L2HGDH: variants seen among roughly 807,000 people sequenced by gnomAD.
L2HGDH encodes L-2-hydroxyglutarate dehydrogenase, mitochondrial.
In L2HGDH, 34 loss-of-function variants were observed where a neutral mutation model predicts 51.5. The observed-to-expected ratio is 0.66, with a 90% CI of 0.50 to 0.88. The LOEUF is 0.88. Ranked by LOEUF, L2HGDH falls within the 40% of genes least tolerant of loss-of-function variation. The probability of loss-of-function intolerance (pLI) is 0.00; values close to 1 mark genes in which losing one functional copy is unlikely to be tolerated. For synonymous variants in L2HGDH, 198 were observed against 197.9 expected (o/e 1.00, Z -0.01); for missense variants, 558 against 571.9 (o/e 0.98, Z 0.25).
chr14:50,251,388 A>C (rs1465761317), intron 9 of L2HGDH, among the ~76,000 whole-genome samples: 1 of 152,138 alleles, frequency 6.6e-6, no homozygotes, highest in Non-Finnish European at 1.5e-5. Context: ...AACATTCTCA[A>C]AAGGGTAAAT....
chr14:50,257,343 C>T lies in L2HGDH; in HGVS notation c.1196+8015G>A, dbSNP rs541944684. Among the ~76,000 whole-genome samples the T allele has an allele frequency of 2.6e-5, 4 of 151,872 alleles. No individual in the cohort carries two copies. In the South Asian group the frequency reaches 6.2e-4, roughly 24 times the overall value. ...TCTTAAGGTAGGTCTAACCAGCTGTCTAACCTAGTCATCTGAGGTTTTTCC... is the reference window on the plus strand; with the variant it reads ...TCTTAAGGTAGGTCTAACCAGCTGTTTAACCTAGTCATCTGAGGTTTTTCC... On this transcript the variant is annotated intron_variant, in intron 9 of 9. Transcript: ENST00000267436.
rs1887939195 is a variant in L2HGDH, at chr14:50,245,088, T to C, written c.*1970A>G. The C allele has an allele frequency of 1.0e-6, 1 of 985,738 alleles. No individual in the cohort carries two copies. Among genetic ancestry groups the C allele is most frequent in the Non-Finnish European group, 1.2e-6 (1 of 829,904 alleles). The allele number at this position is 985,738 out of a possible 1,614,324, so 61.1% of individuals were successfully genotyped here. A position where few individuals can be genotyped will look rare whatever the true frequency, so the allele number is the denominator to read the frequency against. On this transcript the variant is annotated 3_prime_UTR_variant, in exon 10 of 10. Coordinates refer to ENST00000267436, the MANE Select transcript of L2HGDH (RefSeq NM_024884.3). ...GCATCAACTTAAAATACTCATGAGG[T>C]GAATGTAAGGCACTTTCGCGGTTTA...
chr14:50,304,934 G>C (rs1443553595), intron 1 of L2HGDH, among the ~76,000 whole-genome samples: 7 of 152,140 alleles, frequency 4.6e-5, no homozygotes, highest in Admixed American at 4.6e-4. Flanking sequence ...AACAAATATG[G>C]ATCTTATAGG....
Position 50,269,212 on chromosome 14 carries a change from A to AGGT in L2HGDH, c.854_856dup (p.Tyr285_Leu286insHis). 6.2e-7 allele frequency: 1 copy of AGGT among 1,614,064 alleles called. No homozygotes were observed. The highest frequency in any genetic ancestry group is 8.5e-7 in the Non-Finnish European group (1 of 1,179,976). ...ATAACATTTTTCTGGCTTCAAAAGC[A>AGGT]GGTAATCTCCCCGGAATGGTACAAT... On this transcript the variant is annotated inframe_insertion, in exon 7 of 10. Transcript: ENST00000267436.
chr14:50,271,528 T>C (rs1889685086), intron 6 of L2HGDH, among the ~76,000 whole-genome samples: 1 of 152,186 alleles, frequency 6.6e-6, no homozygotes, highest in Non-Finnish European at 1.5e-5. Context: ...AACCATCAAA[T>C]GATACATTAG....
At chr14:50,267,485 C>T (rs1276627241) in intron 8 of L2HGDH, among the ~76,000 whole-genome samples, 1 of 152,020 alleles carries the variant, frequency 6.6e-6, no homozygotes, top group Non-Finnish European at 1.5e-5. Flanking sequence ...CCCAGCCAGC[C>T]TTTTCTTTTT....
intron 4 of L2HGDH, 102 bp downstream of exon 4, chr14:50,294,013 C>T: frequency 2.2e-6 from 3 of 1,359,094 alleles, no homozygotes; most frequent in African/African-American, 1.4e-5. Flanking sequence ...ACAGGATTAT[C>T]TAACTGATTT....
intron 9 of L2HGDH, among the ~76,000 whole-genome samples, chr14:50,249,434 G>A (rs1361586935): frequency 6.6e-6 from 1 of 152,156 alleles, no homozygotes; most frequent in Non-Finnish European, 1.5e-5. Flanking sequence ...AGAGTAAAGA[G>A]GACCGTCTTA....
intron 9 of L2HGDH, among the ~76,000 whole-genome samples, chr14:50,250,101 C>T (rs967188590): frequency 1.3e-5 from 2 of 152,056 alleles, no homozygotes; most frequent in Non-Finnish European, 2.9e-5. Flanking sequence ...GGGGTTTCGC[C>T]ATGGTGGCCA....
chr14:50,301,659 C>A (rs1039612700), intron 3 of L2HGDH, among the ~76,000 whole-genome samples: 1 of 152,094 alleles, frequency 6.6e-6, no homozygotes. Context: ...GTTGCTAGGG[C>A]ATCGGGGGAG....
chr14:50,282,222 T>G (rs1044403950), intron 5 of L2HGDH, among the ~76,000 whole-genome samples: 1 of 152,086 alleles, frequency 6.6e-6, no homozygotes, highest in Non-Finnish European at 1.5e-5. Flanking sequence ...CTACAAAACA[T>G]CCTACAGTGC....
intron 4 of L2HGDH, among the ~76,000 whole-genome samples, chr14:50,291,924 C>A (rs1452827910): frequency 1.3e-5 from 2 of 152,026 alleles, no homozygotes; most frequent in Admixed American, 1.3e-4. Context: ...AAAAGAATTT[C>A]TAGACAAATT....
At chr14:50,295,038 T>C (rs1359829207) in intron 3 of L2HGDH, among the ~76,000 whole-genome samples, 1 of 152,294 alleles carries the variant, frequency 6.6e-6, no homozygotes, top group East Asian at 1.9e-4. Flanking sequence ...CAAAGGACTC[T>C]ATCAAGTAAG....
At chr14:50,301,910 A>C in intron 3 of L2HGDH, 107 bp downstream of exon 3, 1 of 1,156,944 alleles carries the variant, frequency 8.6e-7, no homozygotes, top group Non-Finnish European at 1.3e-6. Context: ...GATTTGAAAA[A>C]TTACATAGAT....
At chr14:50,303,615 A>G (rs1222783362) in intron 1 of L2HGDH, among the ~76,000 whole-genome samples, 1 of 151,670 alleles carries the variant, frequency 6.6e-6, no homozygotes, top group Non-Finnish European at 1.5e-5. Flanking sequence ...CATCTTTACT[A>G]AAAATACAAA....
intron 4 of L2HGDH, among the ~76,000 whole-genome samples, chr14:50,285,442 T>C (rs1263141489): frequency 6.6e-6 from 1 of 152,240 alleles, no homozygotes; most frequent in Non-Finnish European, 1.5e-5. Flanking sequence ...TAGGAAATCA[T>C]TCCTTCTGTT....
rs116070218 is a variant in L2HGDH, at chr14:50,266,548, G to T, written c.1065-1059C>A. ...GTTCCAGCTACTTGGAGGCTGAAGT[G>T]GGAGAACTGATTGATCCCAGGAGGT... On this transcript the variant is annotated intron_variant, in intron 8 of 9. Transcript: ENST00000267436. Among the ~76,000 whole-genome samples the T allele has an allele frequency of 3.9e-3, 593 of 152,250 alleles. 7 individuals carry two copies. Among genetic ancestry groups the T allele is most frequent in the African/African-American group, 0.013 (558 of 41,532 alleles).
chr14:50,301,161 G>A (rs1439421728), intron 3 of L2HGDH, among the ~76,000 whole-genome samples: 1 of 152,148 alleles, frequency 6.6e-6, no homozygotes, highest in Non-Finnish European at 1.5e-5. Context: ...AAATAGAAAA[G>A]ACAAACCAAA....
At chr14:50,289,972 C>A (rs571037828) in intron 4 of L2HGDH, among the ~76,000 whole-genome samples, 1 of 152,190 alleles carries the variant, frequency 6.6e-6, no homozygotes, top group South Asian at 2.1e-4. Flanking sequence ...TATGTCAAAA[C>A]TCCCTTAAGT....
Sources: allele counts gnomAD v4.1 joint callset (sites outside exome capture counted in the v4.1 genomes callset), GRCh38; gene constraint gnomAD v4.1.1; transcripts MANE v1.5; gene names NCBI Gene and HGNC (gene_info 2026-07-23, HGNC 2026-07-21).